Variants in LARGE1 observed in about 807,000 individuals in gnomAD.
LARGE1 encodes the protein xylosyl- and glucuronyltransferase LARGE1.
LARGE1 carries 43 observed loss-of-function variants against 87.6 expected under a neutral mutation model. The ratio of observed to expected loss-of-function variants is 0.49; its 90% confidence interval spans 0.38 to 0.63. The LOEUF is 0.63. Among genes scored for constraint, LARGE1 ranks in the 30% least tolerant of loss-of-function variants. The probability of loss-of-function intolerance (pLI) is 0.00; values close to 1 mark genes in which losing one functional copy is unlikely to be tolerated. For synonymous variants in LARGE1, 434 were observed against 394.6 expected, an observed-to-expected ratio of 1.10 and a Z score of -1.18; for missense variants, 802 against 1,000.2, an observed-to-expected ratio of 0.80 and a Z score of 2.67.
chr22:33,878,277 A>G (rs1321012653), intron 1 of LARGE1, among the ~76,000 whole-genome samples: 1 of 150,280 alleles, frequency 6.7e-6, no homozygotes, highest in African/African-American at 2.4e-5. Context: ...AGCTGGGACT[A>G]TAGGCACCCG....
Position 33,602,423 on chromosome 22 carries a change from C to T in LARGE1, c.615+2012G>A, listed in dbSNP as rs867318391. On this transcript the variant is annotated intron_variant, in intron 5 of 14. Coordinates refer to ENST00000397394, the MANE Select transcript of LARGE1 (RefSeq NM_133642.5). ...CCACATGCCAGCTCTATCACCCAGG[C>T]TGGCATACAGTGGTACGATCATAGC... 7.9e-5 allele frequency among the ~76,000 whole-genome samples: 12 copies of T among 152,288 alleles called. 1 individual carries two copies. The Middle Eastern group carries it at 0.01, about 129-fold the overall frequency.
At chr22:33,856,962 G>A (rs555471374) in intron 1 of LARGE1, among the ~76,000 whole-genome samples, 5 of 151,794 alleles carry the variant, frequency 3.3e-5, no homozygotes, top group Non-Finnish European at 7.4e-5. Context: ...ACAGAGTCTC[G>A]CTCTGTTGCC....
At chr22:33,091,907 T>C in the LARGE1 span, among the ~76,000 whole-genome samples, 1 of 152,172 alleles carries the variant, frequency 6.6e-6, no homozygotes, top group Admixed American at 6.5e-5. Flanking sequence ...CGTTTGTTTG[T>C]TTGTTTGTTT....
At chr22:33,229,196 C>T (rs1334997055) in intron 11 of LARGE1, among the ~76,000 whole-genome samples, 1 of 152,144 alleles carries the variant, frequency 6.6e-6, no homozygotes, top group African/African-American at 2.4e-5. Context: ...AAATTCAAAA[C>T]CACTATGTAA....
chr22:33,868,326 A>G (rs546611757), intron 1 of LARGE1, among the ~76,000 whole-genome samples: 8 of 152,186 alleles, frequency 5.3e-5, no homozygotes, highest in Non-Finnish European at 1.2e-4. Context: ...TGGCTTTTAT[A>G]CATGTACTAA....
At chr22:33,904,123 T>G (rs2146918023) in intron 1 of LARGE1, among the ~76,000 whole-genome samples, 1 of 152,244 alleles carries the variant, frequency 6.6e-6, no homozygotes, top group African/African-American at 2.4e-5. Flanking sequence ...CAAATAGGAC[T>G]GACTTCCTCC....
intron 10 of LARGE1, chr22:33,322,830 A>G (rs891738364): frequency 2.6e-5 from 4 of 152,048 alleles, no homozygotes; most frequent in Non-Finnish European, 1.5e-5. Flanking sequence ...GGTATTGTAG[A>G]AAAAAAAGGT....
At chr22:33,716,695 T>C (rs2082917319) in intron 2 of LARGE1, among the ~76,000 whole-genome samples, 1 of 152,190 alleles carries the variant, frequency 6.6e-6, no homozygotes, top group African/African-American at 2.4e-5. Context: ...CCACCACACC[T>C]GGCCACCCCC....
At chr22:33,738,756 A>T (rs112082497) in intron 2 of LARGE1, among the ~76,000 whole-genome samples, 8,235 of 150,638 alleles carry the variant, frequency 0.055, 745 homozygotes, top group African/African-American at 0.19. Context: ...GAGGCCAGAG[A>T]GTGGTGTGAA....
chr22:33,200,280 A>G (rs1014705079), intron 11 of LARGE1, among the ~76,000 whole-genome samples: 1 of 152,224 alleles, frequency 6.6e-6, no homozygotes, highest in African/African-American at 2.4e-5. Context: ...ATAAAATACT[A>G]TAAATCACAA....
chr22:33,224,162 A>T (rs1925604604), intron 11 of LARGE1, among the ~76,000 whole-genome samples: 1 of 152,114 alleles, frequency 6.6e-6, no homozygotes, highest in Non-Finnish European at 1.5e-5. Flanking sequence ...GCTACTCGGG[A>T]GGCTGAGGCA....
intron 1 of LARGE1, among the ~76,000 whole-genome samples, chr22:33,875,366 C>G (rs2064430893): frequency 6.6e-6 from 1 of 152,228 alleles, no homozygotes. Context: ...GTTGGCAAAT[C>G]TCTCTGTGGC....
chr22:33,816,721 CAGA>C, intron 1 of LARGE1, among the ~76,000 whole-genome samples: 1 of 150,076 alleles, frequency 6.7e-6, no homozygotes, highest in African/African-American at 2.4e-5. Flanking sequence ...GACAGACAGA[CAGA>C]CAGACAGACA....
intron 1 of LARGE1, among the ~76,000 whole-genome samples, chr22:33,793,004 G>A (rs548184519): frequency 2.6e-5 from 4 of 152,264 alleles, no homozygotes; most frequent in African/African-American, 7.2e-5. Context: ...CCCAAACAGC[G>A]AAAGCTGCTG....
chr22:33,279,395 CTAAG>C (rs1249719709), intron 13 of LARGE1, among the ~76,000 whole-genome samples: 11 of 152,214 alleles, frequency 7.2e-5, no homozygotes, highest in Non-Finnish European at 7.3e-5. Context: ...AAGGGAGGCG[CTAAG>C]TGAGACTGAG....
chr22:33,724,211 C>T (rs1013612122), intron 2 of LARGE1: 1 of 152,552 alleles, frequency 6.6e-6, no homozygotes, highest in Admixed American at 6.5e-5. Flanking sequence ...GGATACGGCA[C>T]ATGACGCAGA....
At chr22:33,878,129 C>CTTTTTTTTTTTTATTTTTTTTA (rs2064533418) in intron 1 of LARGE1, among the ~76,000 whole-genome samples, 1 of 44,652 alleles carries the variant, frequency 2.2e-5, no homozygotes, top group Non-Finnish European at 5.1e-5. Context: ...TATTGTATTT[C>CTTTTTTTTTTTTATTTTTTTTA]TTTTTTTTTT....
intron 2 of LARGE1, among the ~76,000 whole-genome samples, chr22:33,659,990 G>A (rs866807506): frequency 5.9e-5 from 9 of 151,936 alleles, no homozygotes; most frequent in African/African-American, 2.2e-4. Context: ...AATGCTTGAA[G>A]TGTGTTCTAA....
chr22:33,827,504 T>C (rs2062834642), intron 1 of LARGE1, among the ~76,000 whole-genome samples: 1 of 152,146 alleles, frequency 6.6e-6, no homozygotes, highest in African/African-American at 2.4e-5. Flanking sequence ...GGATATAATG[T>C]ACATTTAAAA....
Sources: allele counts gnomAD v4.1 joint callset (sites outside exome capture counted in the v4.1 genomes callset), GRCh38; gene constraint gnomAD v4.1.1; transcripts MANE v1.5; gene names NCBI Gene and HGNC (gene_info 2026-07-23, HGNC 2026-07-21).